AFG2A: variants seen among roughly 807,000 people sequenced by gnomAD.
AFG2A encodes the protein ATPase family gene 2 protein homolog A.
the AFG2A span, among the ~76,000 whole-genome samples, chr4:123,148,474 A>G: frequency 6.6e-6 from 1 of 152,204 alleles, no homozygotes; most frequent in East Asian, 1.9e-4. Flanking sequence ...GCAGTGGATA[A>G]TGGAGTTGAT....
the AFG2A span, among the ~76,000 whole-genome samples, chr4:123,084,695 C>T: frequency 6.6e-6 from 1 of 151,942 alleles, no homozygotes; most frequent in Admixed American, 6.6e-5. Flanking sequence ...GTGGTGCGAT[C>T]ACAGCTCACT....
chr4:123,132,893 G>T, the AFG2A span, among the ~76,000 whole-genome samples: 1 of 149,822 alleles, frequency 6.7e-6, no homozygotes, highest in South Asian at 2.1e-4. Context: ...CCATTCTCCT[G>T]CCTCAGCCTC....
the AFG2A span, among the ~76,000 whole-genome samples, chr4:123,312,786 C>T: frequency 6.6e-6 from 1 of 152,166 alleles, no homozygotes; most frequent in African/African-American, 2.4e-5. Flanking sequence ...CGTAATTTGA[C>T]AAAGCCATCT....
At chr4:123,002,062 C>T in the AFG2A span, among the ~76,000 whole-genome samples, 16 of 152,094 alleles carry the variant, frequency 1.1e-4, no homozygotes, top group African/African-American at 3.6e-4. Context: ...TATGTAATGG[C>T]CTTCTTTGTC....
the AFG2A span, among the ~76,000 whole-genome samples, chr4:123,149,717 T>C: frequency 6.6e-6 from 1 of 152,144 alleles, no homozygotes; most frequent in Non-Finnish European, 1.5e-5. Flanking sequence ...TCAATGGTGT[T>C]GAAGCCTAAC....
At chr4:122,984,900 T>C in the AFG2A span, among the ~76,000 whole-genome samples, 12 of 152,264 alleles carry the variant, frequency 7.9e-5, no homozygotes, top group South Asian at 2.1e-4. Flanking sequence ...ATCAAGGATA[T>C]TGGTCTGTAG....
At chr4:123,206,404 T>G in the AFG2A span, among the ~76,000 whole-genome samples, 1 of 152,154 alleles carries the variant, frequency 6.6e-6, no homozygotes, top group Non-Finnish European at 1.5e-5. Flanking sequence ...ATTTCCTGGT[T>G]TATTTACTAG....
chr4:123,208,531 T>C, the AFG2A span, among the ~76,000 whole-genome samples: 26 of 152,218 alleles, frequency 1.7e-4, no homozygotes, highest in African/African-American at 5.1e-4. Flanking sequence ...GCCACTGATT[T>C]GGATAGTAAT....
the AFG2A span, among the ~76,000 whole-genome samples, chr4:123,144,991 A>G: frequency 1.3e-5 from 2 of 152,024 alleles, no homozygotes; most frequent in African/African-American, 4.8e-5. Flanking sequence ...TAGAACATAC[A>G]GGCTAGAAGA....
the AFG2A span, among the ~76,000 whole-genome samples, chr4:123,261,816 A>T: frequency 6.6e-6 from 1 of 151,936 alleles, no homozygotes; most frequent in Non-Finnish European, 1.5e-5. Flanking sequence ...GTCTCATTCT[A>T]TTGCCCAGGC....
At chr4:123,028,976 CATTATG>C in the AFG2A span, among the ~76,000 whole-genome samples, 1 of 152,160 alleles carries the variant, frequency 6.6e-6, no homozygotes, top group African/African-American at 2.4e-5. Flanking sequence ...TTTTATGTAA[CATTATG>C]ATATATCCAG....
chr4:123,243,496 G>A, the AFG2A span, among the ~76,000 whole-genome samples: 2 of 152,016 alleles, frequency 1.3e-5, no homozygotes, highest in Admixed American at 6.6e-5. Context: ...CTATCAGAAG[G>A]ACAGAAAACC....
the AFG2A span, among the ~76,000 whole-genome samples, chr4:123,074,595 AT>A: frequency 5.3e-5 from 8 of 151,968 alleles, no homozygotes; most frequent in Non-Finnish European, 1.0e-4. Flanking sequence ...TAGGTTTAGG[AT>A]TTCCCTTTGA....
chr4:123,294,257 G>C, the AFG2A span, among the ~76,000 whole-genome samples: 1 of 152,188 alleles, frequency 6.6e-6, no homozygotes, highest in Admixed American at 6.5e-5. Context: ...GATTTCTTTG[G>C]TTTTAAATAG....
At chr4:123,102,459 A>T in the AFG2A span, among the ~76,000 whole-genome samples, 1 of 151,944 alleles carries the variant, frequency 6.6e-6, no homozygotes, top group Non-Finnish European at 1.5e-5. Flanking sequence ...CTTTTTTCAC[A>T]GATGTCTGAT....
At chr4:123,116,509 T>C in the AFG2A span, among the ~76,000 whole-genome samples, 4 of 152,200 alleles carry the variant, frequency 2.6e-5, no homozygotes, top group Non-Finnish European at 2.9e-5. Context: ...AGACATCCTA[T>C]AATGCACAGG....
At chr4:122,941,419 A>G in the AFG2A span, among the ~76,000 whole-genome samples, 2 of 152,212 alleles carry the variant, frequency 1.3e-5, 1 homozygote, top group East Asian at 3.9e-4. Context: ...TTCACTCATG[A>G]TTTGGCTCTC....
the AFG2A span, among the ~76,000 whole-genome samples, chr4:123,173,862 A>C: frequency 9.8e-5 from 15 of 152,300 alleles, no homozygotes; most frequent in East Asian, 2.9e-3. Flanking sequence ...GAAACTTTAC[A>C]AACTAGTTAT....
At chr4:123,205,904 G>C in the AFG2A span, among the ~76,000 whole-genome samples, 1 of 152,070 alleles carries the variant, frequency 6.6e-6, no homozygotes, top group African/African-American at 2.4e-5. Flanking sequence ...GGCATCCCCT[G>C]CTTAACACTT....
Sources: allele counts gnomAD v4.1 joint callset (sites outside exome capture counted in the v4.1 genomes callset), GRCh38; gene constraint gnomAD v4.1.1; transcripts MANE v1.5; gene names NCBI Gene and HGNC (gene_info 2026-07-23, HGNC 2026-07-21).